The following TAS2R1 variants were observed in gnomAD, a reference collection of about 807,000 sequenced individuals.
The protein encoded by TAS2R1 is taste receptor type 2 member 1.
For missense variants in TAS2R1, 370 were observed against 353.4 expected (o/e 1.05, Z -0.38); for synonymous variants, 141 against 134.2 (o/e 1.05, Z -0.35).
the TAS2R1 span, among the ~76,000 whole-genome samples, chr5:9,722,859 C>A: frequency 1.3e-5 from 2 of 152,220 alleles, no homozygotes; most frequent in Admixed American, 1.3e-4. Context: ...AAGCCCTAGA[C>A]GGCTGCCATC....
At chr5:9,705,048 G>GA (rs113541210) in intron 1 of TAS2R1, among the ~76,000 whole-genome samples, 3,940 of 152,010 alleles carry the variant, frequency 0.026, 129 homozygotes, top group African/African-American at 0.089. Flanking sequence ...TCTTCAATGG[G>GA]AAAAAAACCA....
the TAS2R1 span, among the ~76,000 whole-genome samples, chr5:9,719,143 A>G: frequency 1.3e-5 from 2 of 152,350 alleles, no homozygotes; most frequent in East Asian, 3.9e-4. Context: ...TTAATAAAAG[A>G]TATTTTTCTA....
At chr5:9,807,509 A>G in the TAS2R1 span, among the ~76,000 whole-genome samples, 1 of 152,202 alleles carries the variant, frequency 6.6e-6, no homozygotes, top group African/African-American at 2.4e-5. Context: ...CCAAATGCCC[A>G]TCAATCAACT....
the TAS2R1 span, among the ~76,000 whole-genome samples, chr5:9,895,903 A>G: frequency 1.3e-5 from 2 of 152,264 alleles, no homozygotes; most frequent in Non-Finnish European, 2.9e-5. Context: ...ATATGAACGC[A>G]TCTGAATTTC....
chr5:9,897,828 G>C, the TAS2R1 span, among the ~76,000 whole-genome samples: 2 of 152,126 alleles, frequency 1.3e-5, no homozygotes, highest in Non-Finnish European at 2.9e-5. Context: ...TTTATCTGAA[G>C]AGAAAGATAA....
chr5:9,762,111 T>C, the TAS2R1 span, among the ~76,000 whole-genome samples: 10 of 152,194 alleles, frequency 6.6e-5, no homozygotes, highest in Admixed American at 1.3e-4. Flanking sequence ...GGAAACCTTT[T>C]TTCCAGCCTC....
At chr5:9,793,077 G>A in the TAS2R1 span, among the ~76,000 whole-genome samples, 1 of 152,178 alleles carries the variant, frequency 6.6e-6, no homozygotes, top group African/African-American at 2.4e-5. Context: ...AGAGCATGAA[G>A]GTGATCAAGA....
chr5:9,794,150 T>C, the TAS2R1 span, among the ~76,000 whole-genome samples: 2 of 152,236 alleles, frequency 1.3e-5, no homozygotes, highest in Non-Finnish European at 2.9e-5. Flanking sequence ...AACATCTCTG[T>C]TATTCCAGCA....
the TAS2R1 span, among the ~76,000 whole-genome samples, chr5:9,893,208 CTTTT>C: frequency 1.4e-5 from 2 of 138,250 alleles, no homozygotes; most frequent in East Asian, 2.1e-4. Flanking sequence ...GTTGCCCCAG[CTTTT>C]TTTTTTTTTT....
At chr5:9,885,831 A>G in the TAS2R1 span, among the ~76,000 whole-genome samples, 4 of 152,094 alleles carry the variant, frequency 2.6e-5, no homozygotes, top group African/African-American at 9.7e-5. Flanking sequence ...AATATAAAAC[A>G]TATATAAAAA....
intron 1 of TAS2R1, among the ~76,000 whole-genome samples, chr5:9,710,939 T>C (rs1561385873): frequency 6.9e-6 from 1 of 144,846 alleles, no homozygotes; most frequent in East Asian, 2.0e-4. Flanking sequence ...ATATAATATA[T>C]TATATATAAT....
the TAS2R1 span, among the ~76,000 whole-genome samples, chr5:9,738,428 C>T: frequency 2.0e-5 from 3 of 152,132 alleles, no homozygotes; most frequent in Admixed American, 1.3e-4. Flanking sequence ...AAAGGCGCTC[C>T]TCCTAGGCTT....
At chr5:9,870,742 TGGA>T in the TAS2R1 span, among the ~76,000 whole-genome samples, 16 of 151,764 alleles carry the variant, frequency 1.1e-4, no homozygotes, top group African/African-American at 3.4e-4. Context: ...CCCCAGAAAA[TGGA>T]GGAGGAGATG....
rs1185209248 is a variant in TAS2R1, at chr5:9,629,722, C to T, written c.311G>A (p.Cys104Tyr). Reference sequence around the variant, plus strand: ...GTGACGGACGCTGGCAACCTTGGCACAATAGAAAACGCCGAGCCATGTGGC... The same window carrying T: ...GTGACGGACGCTGGCAACCTTGGCATAATAGAAAACGCCGAGCCATGTGGC... ...WLATWLGVFYCAKVASVRHPL... is the reference protein window; with the variant it reads ...WLATWLGVFYYAKVASVRHPL... Residue 104 changes from cysteine (C) to tyrosine (Y), a missense_variant, in exon 1 of 1, where the codon TGT becomes TAT. By Grantham distance (194) the Cys-to-Tyr change is radical (BLOSUM62 -2). Transcript: ENST00000382492. 1 of 1,613,974 alleles carries T rather than the reference C, an allele frequency of 6.2e-7. No individual in the cohort carries two copies.
upstream of TAS2R1, among the ~76,000 whole-genome samples, chr5:9,717,003 C>A (rs1482736387): frequency 6.6e-6 from 1 of 152,170 alleles, no homozygotes; most frequent in Non-Finnish European, 1.5e-5. Flanking sequence ...CAAATTCCAA[C>A]AGAACTCTCA....
chr5:9,776,009 G>A, the TAS2R1 span, among the ~76,000 whole-genome samples: 1 of 152,178 alleles, frequency 6.6e-6, no homozygotes, highest in Non-Finnish European at 1.5e-5. Context: ...GTGAGCCCTG[G>A]ACTTGCCCAG....
chr5:9,725,253 C>G, the TAS2R1 span, among the ~76,000 whole-genome samples: 8 of 152,246 alleles, frequency 5.3e-5, no homozygotes. Context: ...TGGGAGCCCC[C>G]TTCTGGGCTG....
chr5:9,857,651 G>A, the TAS2R1 span, among the ~76,000 whole-genome samples: 2 of 152,162 alleles, frequency 1.3e-5, no homozygotes, highest in Non-Finnish European at 2.9e-5. Flanking sequence ...ATATCTCCAT[G>A]TCTTTTGGGT....
At chr5:9,847,883 G>T in the TAS2R1 span, among the ~76,000 whole-genome samples, 1 of 152,188 alleles carries the variant, frequency 6.6e-6, no homozygotes, top group Non-Finnish European at 1.5e-5. Flanking sequence ...AACACCAGTG[G>T]TTCTCAAAGT....
Sources: allele counts gnomAD v4.1 joint callset (sites outside exome capture counted in the v4.1 genomes callset), GRCh38; gene constraint gnomAD v4.1.1; transcripts MANE v1.5; gene names NCBI Gene and HGNC (gene_info 2026-07-23, HGNC 2026-07-21).